OVCH1: variants seen among roughly 807,000 people sequenced by gnomAD.
The protein encoded by OVCH1 is ovochymase 1.
Under a neutral mutation model 138.4 loss-of-function variants are expected in OVCH1, and 139 were observed. The observed-to-expected ratio is 1.00, with a 90% CI of 0.87 to 1.16. OVCH1 has a LOEUF of 1.16. Among genes scored for constraint, OVCH1 ranks in the 50% most tolerant of loss-of-function variants. The pLI is 0.00. For missense variants in OVCH1, 1,367 were observed against 1,357.9 expected, an observed-to-expected ratio of 1.01 and a Z score of -0.11; for synonymous variants, 453 against 467.8, an observed-to-expected ratio of 0.97 and a Z score of 0.41.
intron 3 of OVCH1, among the ~76,000 whole-genome samples, chr12:29,419,509 T>C (rs906585594): frequency 1.3e-5 from 2 of 151,806 alleles, no homozygotes; most frequent in Non-Finnish European, 2.9e-5. Flanking sequence ...TTAGCCAGGA[T>C]GGTCTCGATC....
chr12:29,460,662 A>G (rs1478042338), intron 19 of OVCH1, among the ~76,000 whole-genome samples: 1 of 152,066 alleles, frequency 6.6e-6, no homozygotes, highest in Non-Finnish European at 1.5e-5. Context: ...CACCACGTGT[A>G]TTTAGCATCA....
exon 25 of OVCH1, chr12:29,443,423 G>A (rs1313047329): frequency 6.2e-7 from 1 of 1,611,726 alleles, no homozygotes; most frequent in Non-Finnish European, 8.5e-7. Context: ...ACAGACAAAA[G>A]TTGTTGGCTT....
chr12:29,470,143 C>T (rs191170883), intron 16 of OVCH1, among the ~76,000 whole-genome samples: 3 of 152,192 alleles, frequency 2.0e-5, no homozygotes, highest in Non-Finnish European at 2.9e-5. Context: ...TTTAGGGATA[C>T]ATATATGTTA....
chr12:29,495,016 G>A lies in OVCH1; in HGVS notation c.454+269C>T, dbSNP rs191957683. Among the ~76,000 whole-genome samples the A allele has an allele frequency of 3.9e-5, 6 of 152,202 alleles. No homozygotes were observed. In the East Asian group the frequency reaches 1.2e-3, roughly 29 times the overall value. On this transcript the variant is annotated intron_variant, in intron 4 of 27. Transcript: ENST00000318184. ...TGTATCAAATTATCACATGTACCCT[G>A]AAAATATGTACTTCTAATATGTATC...
At chr12:29,492,865 T>TA (rs1565615852) in intron 4 of OVCH1, among the ~76,000 whole-genome samples, 4 of 152,024 alleles carry the variant, frequency 2.6e-5, no homozygotes, top group African/African-American at 9.7e-5. Flanking sequence ...AAGGGTACAA[T>TA]AGGGTAGGAG....
At chr12:29,435,442 C>A (rs1243968016) in intron 26 of OVCH1, among the ~76,000 whole-genome samples, 1 of 152,170 alleles carries the variant, frequency 6.6e-6, no homozygotes, top group Non-Finnish European at 1.5e-5. Context: ...TCTCGGCTCA[C>A]CACAAGCTCC....
chr12:29,483,337 T>C (rs1942993794), intron 8 of OVCH1, among the ~76,000 whole-genome samples: 1 of 152,226 alleles, frequency 6.6e-6, no homozygotes, highest in African/African-American at 2.4e-5. Flanking sequence ...TGGCAAAAGC[T>C]TTATTGGCAT....
intron 23 of OVCH1, among the ~76,000 whole-genome samples, chr12:29,444,748 A>G (rs1395278269): frequency 2.0e-5 from 3 of 152,108 alleles, no homozygotes; most frequent in Non-Finnish European, 4.4e-5. Context: ...AGAATAAAAA[A>G]AAATCTCACT....
downstream of OVCH1, among the ~76,000 whole-genome samples, chr12:29,409,390 T>G (rs1433602119): frequency 6.6e-6 from 1 of 152,172 alleles, no homozygotes. Context: ...GTTCTTTTAA[T>G]TGTGATGTTA....
intron 26 of OVCH1, among the ~76,000 whole-genome samples, chr12:29,434,224 A>G (rs370095289): frequency 7.0e-4 from 106 of 152,314 alleles, no homozygotes; most frequent in African/African-American, 2.4e-3. Context: ...GTGAATTCCA[A>G]AAGAGAAAAG....
intron 8 of OVCH1, among the ~76,000 whole-genome samples, chr12:29,482,817 G>T (rs140377298): frequency 2.6e-4 from 40 of 152,290 alleles, no homozygotes; most frequent in Admixed American, 5.9e-4. Context: ...TCTAAGTTGG[G>T]TCACTGTGTT....
downstream of OVCH1, among the ~76,000 whole-genome samples, chr12:29,411,012 T>A (rs563935108): frequency 2.0e-5 from 3 of 151,186 alleles, no homozygotes; most frequent in African/African-American, 7.3e-5. Context: ...GTTTTTTTTA[T>A]TCTTTTTTCT....
intron 20 of OVCH1, 46 bp downstream of exon 20, chr12:29,455,203 C>G (rs1941912065): frequency 1.3e-6 from 2 of 1,586,994 alleles, no homozygotes; most frequent in Admixed American, 1.8e-5. Context: ...CAAACCCACT[C>G]TAAAGAAAGA....
chr12:29,413,482 T>C (rs1940987539), intron 3 of OVCH1, among the ~76,000 whole-genome samples: 1 of 152,198 alleles, frequency 6.6e-6, no homozygotes, highest in Non-Finnish European at 1.5e-5. Context: ...ACATTTGCAG[T>C]ACTTTAAACT....
At chr12:29,410,640 C>A (rs1168475196), downstream of OVCH1, among the ~76,000 whole-genome samples, 1 of 146,544 alleles carries the variant, frequency 6.8e-6, no homozygotes, top group Non-Finnish European at 1.5e-5. Context: ...ATATTGGCCC[C>A]CACTCTCTTC....
chr12:29,449,416 G>C (rs12319686), intron 22 of OVCH1, among the ~76,000 whole-genome samples: 1 of 151,856 alleles, frequency 6.6e-6, no homozygotes, highest in Non-Finnish European at 1.5e-5. Context: ...ATGGTAGCTT[G>C]ATGGGGATAG....
At chr12:29,427,520 T>C, downstream of OVCH1, 1 of 1,546,680 alleles carries the variant, frequency 6.5e-7, no homozygotes, top group Non-Finnish European at 8.7e-7. Flanking sequence ...AGAATGTGCT[T>C]GGTTAGAGGC....
At chr12:29,496,738 A>G (rs1366709228) in intron 1 of OVCH1, 64 bp from the exon 2 acceptor site, 1 of 1,289,964 alleles carries the variant, frequency 7.8e-7, no homozygotes, top group Non-Finnish European at 1.1e-6. Context: ...CTTTACCAAG[A>G]TTTCCCATTT....
At chr12:29,430,057 A>G (rs773335669) in intron 27 of OVCH1, among the ~76,000 whole-genome samples, 8 of 152,188 alleles carry the variant, frequency 5.3e-5, no homozygotes, top group Admixed American at 2.0e-4. Context: ...TGTCACTCCT[A>G]TTTCATACAT....
Sources: gnomAD v4.1 joint callset for allele counts (sites outside exome capture counted in the v4.1 genomes callset) on GRCh38, gnomAD v4.1.1 for gene constraint, MANE v1.5 for transcripts, NCBI Gene and HGNC (gene_info 2026-07-23, HGNC 2026-07-21) for gene names.